Variants in SPINK7 observed in about 807,000 individuals in gnomAD.
The protein encoded by SPINK7 is serine protease inhibitor Kazal-type 7.
Under a neutral mutation model 11.6 loss-of-function variants are expected in SPINK7, and 8 were observed. The ratio of observed to expected loss-of-function variants is 0.69; its 90% CI spans 0.41 to 1.25. The LOEUF is 1.25. SPINK7 is among the 50% of genes most tolerant of loss of function. The probability of loss-of-function intolerance (pLI) is 0.01; values close to 1 mark genes in which losing one functional copy is unlikely to be tolerated. For missense variants in SPINK7, 113 were observed against 99.3 expected, an observed-to-expected ratio of 1.14 and a Z score of -0.58; for synonymous variants, 38 against 35.3, an observed-to-expected ratio of 1.08 and a Z score of -0.27.
At chr5:148,314,894 C>A (rs1460112331) in intron 3 of SPINK7, among the ~76,000 whole-genome samples, 2 of 152,236 alleles carry the variant, frequency 1.3e-5, no homozygotes, top group Non-Finnish European at 2.9e-5. Context: ...GACCAGAATA[C>A]CACGGACATG....
chr5:148,313,407 T>C lies in SPINK7; in HGVS notation c.87+8T>C, dbSNP rs754135406. 9.5e-6 allele frequency: 15 copies of C among 1,586,268 alleles called. No individual in the cohort carries two copies. The highest frequency in any genetic ancestry group is 1.2e-5 in the Non-Finnish European group (14 of 1,157,852). On this transcript the variant is annotated splice_region_variant and intron_variant, in intron 2 of 3. Coordinates refer to ENST00000274565, the MANE Select transcript of SPINK7 (RefSeq NM_032566.3). ...AGTCTGTCTCCAAAAAAAGTAAGTATGTTGAATAACATTTTAATGTCAATA... is the reference window on the plus strand; with the variant it reads ...AGTCTGTCTCCAAAAAAAGTAAGTACGTTGAATAACATTTTAATGTCAATA...
intron 2 of SPINK7, chr5:148,313,797 G>C: frequency 2.1e-6 from 1 of 477,430 alleles, no homozygotes; most frequent in Non-Finnish European, 3.7e-6. Flanking sequence ...TTTCACATTT[G>C]TAAAGAGAGG....
At chr5:148,315,566 T>C in intron 3 of SPINK7, 73 bp from the exon 4 acceptor site, 1 of 893,754 alleles carries the variant, frequency 1.1e-6, no homozygotes, top group South Asian at 1.4e-5. Context: ...ATCTCTATAG[T>C]TCCTTTCAGC....
chr5:148,314,318 G>A, intron 3 of SPINK7, 94 bp downstream of exon 3: 3 of 1,395,930 alleles, frequency 2.1e-6, no homozygotes, highest in Non-Finnish European at 3.0e-6. Context: ...ATCTCTATAA[G>A]CTGTAATTTA....
intron 3 of SPINK7, chr5:148,314,536 CAG>C: frequency 2.7e-6 from 1 of 376,802 alleles, no homozygotes; most frequent in South Asian, 5.2e-5. Context: ...AGAGGCAAGT[CAG>C]GAGTCACCAT....
chr5:148,313,633 C>G, intron 2 of SPINK7: 1 of 409,742 alleles, frequency 2.4e-6, no homozygotes, highest in Non-Finnish European at 4.4e-6. Flanking sequence ...CGCCTTCCAG[C>G]TGAGAAGTTG....
In SPINK7 at chr5:148,315,711, AATG is replaced by A. The variant is rs543161075; in HGVS notation, c.*30_*32del. 552 of 1,395,788 alleles carry A rather than the reference AATG, an allele frequency of 4.0e-4. 1 individual carries two copies. In the African/African-American group the frequency reaches 7.7e-3, roughly 20 times the overall value. 86.5% of individuals were successfully genotyped at this position (1,395,788 alleles called of 1,614,324 possible). A position where few individuals can be genotyped will look rare whatever the true frequency, so the allele number is the denominator to read the frequency against. ...TTCTCCATGGACATAGAGAGAAAGG[AATG>A]ATATTCTCATCATCATCTTCATCAT... On this transcript the variant is annotated 3_prime_UTR_variant, in exon 4 of 4. Transcript: ENST00000274565.
In SPINK7 at chr5:148,312,498, G is replaced by A. The variant is rs761589164; in HGVS notation, c.15G>A (p.Gly5=). Residue 5 remains glycine (G), a synonymous_variant, in exon 1 of 4, where the codon GGG becomes GGA. Coordinates refer to ENST00000274565, the MANE Select transcript of SPINK7 (RefSeq NM_032566.3). ...CCATTTCCAGCATGAAGATCACTGG[G>A]GGTCTCCTTCTGCTCTGTACAGTGG... The part of the protein sequence containing the change: MKIT[G]GLLLLCTVVY... The A allele has an allele frequency of 6.2e-7, 1 of 1,611,910 alleles. No individual in the cohort carries two copies. Among genetic ancestry groups the A allele is most frequent in the African/African-American group, 1.3e-5 (1 of 74,798 alleles).
Position 148,314,182 on chromosome 5 carries a change from A to C in SPINK7, c.170A>C (p.Tyr57Ser). The change falls in exon 3 of 4, where the codon TAC becomes TCC. Residue 57 changes from tyrosine to serine, a missense_variant. Tyr to Ser is a moderately radical substitution (Grantham distance 144). Transcript: ENST00000274565. ...TACCTACCAGTTTGTGGTTCTGACT[A>C]CATCACCTATGGGAATGAATGTCAC... ...ITYLPVCGSD[Y>S]ITYGNECHLC... 1 of 1,613,812 alleles carries C rather than the reference A, an allele frequency of 6.2e-7. No individual in the cohort carries two copies. Among genetic ancestry groups the C allele is most frequent in the South Asian group, 1.1e-5 (1 of 91,068 alleles).
intron 1 of SPINK7, 58 bp downstream of exon 1, chr5:148,312,602 C>A: frequency 2.0e-6 from 2 of 990,512 alleles, no homozygotes; most frequent in Non-Finnish European, 1.6e-6. Context: ...CATAAATAAT[C>A]CCTCCTGCGA....
intron 1 of SPINK7, 120 bp downstream of exon 1, chr5:148,312,664 G>A (rs1478234955): frequency 3.2e-6 from 2 of 624,798 alleles, no homozygotes; most frequent in South Asian, 2.2e-5. Context: ...GTACTGGTTT[G>A]TAATAGGATC....
chr5:148,315,619 T>C lies in SPINK7; in HGVS notation c.213-20T>C, dbSNP rs747315773. 3 of 1,564,108 alleles carry C rather than the reference T, an allele frequency of 1.9e-6. No homozygotes were observed. The highest frequency in any genetic ancestry group is 2.2e-5 in the East Asian group (1 of 44,602). On this transcript the variant is annotated intron_variant, in intron 3 of 3. Coordinates refer to ENST00000274565, the MANE Select transcript of SPINK7 (RefSeq NM_032566.3). ...TTTCCTCTTGTGCTAATGAATCTTG[T>C]GAACTGTGTCTTCCCTTAGGAAAAG...
At chr5:148,313,835 T>G (rs1393041858) in intron 2 of SPINK7, 4 of 515,698 alleles carry the variant, frequency 7.8e-6, no homozygotes, top group African/African-American at 3.8e-5. Flanking sequence ...CTAGTTGTTC[T>G]GAAGATTAAA....
In SPINK7 at chr5:148,315,695, G is replaced by C. The variant is rs779615320; in HGVS notation, c.*11G>C. 52 of 1,506,348 alleles carry C rather than the reference G, an allele frequency of 3.5e-5. No homozygotes were observed. The South Asian group carries it at 5.0e-4, about 14-fold the overall frequency. 93.3% of individuals were successfully genotyped at this position (1,506,348 alleles called of 1,614,324 possible). A position where few individuals can be genotyped will look rare whatever the true frequency, so the allele number is the denominator to read the frequency against. ...GATGGAAGTTGCTAAATTCTCCATG[G>C]ACATAGAGAGAAAGGAATGATATTC... On this transcript the variant is annotated 3_prime_UTR_variant, in exon 4 of 4. Transcript: ENST00000274565.
At position 148,315,625 on chromosome 5, in the gene SPINK7, G is replaced by C. The variant is rs372555086; in HGVS notation, c.213-14G>C. The stretch of plus-strand genomic sequence containing the variant: ...CTTGTGCTAATGAATCTTGTGAACT[G>C]TGTCTTCCCTTAGGAAAAGTAATGG... On this transcript the variant is annotated splice_polypyrimidine_tract_variant and intron_variant, in intron 3 of 3. Transcript: ENST00000274565. The C allele has an allele frequency of 1.6e-5, 26 of 1,578,130 alleles. No individual in the cohort carries two copies. The highest frequency in any genetic ancestry group is 2.2e-5 in the Non-Finnish European group (25 of 1,148,228).
rs113864148 is a variant in SPINK7 at position 148,313,231 on chromosome 5, G to A, written c.62-143G>A. ...ATTCAACTTCCTCAGCAAACAACTA[G>A]GATTTTGCATAAGGATGGAGAGTGT... On this transcript the variant is annotated intron_variant, in intron 1 of 3. Transcript: ENST00000274565. 1.9e-3 allele frequency: 1,018 copies of A among 529,060 alleles called. 9 individuals carry two copies. The highest frequency in any genetic ancestry group is 0.017 in the African/African-American group (847 of 50,686). The allele number at this position is 529,060 out of a possible 1,614,324, so 32.8% of individuals were successfully genotyped here.
chr5:148,315,669 C>T lies in SPINK7; in HGVS notation c.243C>T (p.His81=), dbSNP rs752558358. The change falls in exon 4 of 4, where the codon CAC becomes CAT. Residue 81 remains histidine, a synonymous_variant. Coordinates refer to ENST00000274565, the MANE Select transcript of SPINK7 (RefSeq NM_032566.3). ...LKSNGRVQFL[H]DGSC The stretch of plus-strand genomic sequence containing the variant: ...GTAATGGAAGAGTTCAGTTTCTTCA[C>T]GATGGAAGTTGCTAAATTCTCCATG... 16 of 1,598,070 alleles carry T rather than the reference C, an allele frequency of 1.0e-5. No homozygotes were observed. The highest frequency in any genetic ancestry group is 2.7e-5 in the African/African-American group (2 of 74,546).
At position 148,312,495 on chromosome 5, in the gene SPINK7, T is replaced by TG; in HGVS notation, c.17dup (p.Leu7SerfsTer12). The TG allele has an allele frequency of 6.2e-7, 1 of 1,611,724 alleles. No homozygotes were observed. Reference sequence around the variant, plus strand: ...CAGCCATTTCCAGCATGAAGATCACTGGGGGTCTCCTTCTGCTCTGTACAG... The same window carrying TG: ...CAGCCATTTCCAGCATGAAGATCACTGGGGGGTCTCCTTCTGCTCTGTACAG... On this transcript the variant is annotated frameshift_variant, in exon 1 of 4. Transcript: ENST00000274565. LOFTEE classifies it high-confidence loss of function.
chr5:148,314,633 A>T (rs1756906506), intron 3 of SPINK7: 1 of 165,892 alleles, frequency 6.0e-6, no homozygotes, highest in African/African-American at 2.4e-5. Flanking sequence ...ATACAATATC[A>T]TGCTTGAAGA....
Sources: allele counts gnomAD v4.1 joint callset (sites outside exome capture counted in the v4.1 genomes callset), GRCh38; gene constraint gnomAD v4.1.1; transcripts MANE v1.5; gene names NCBI Gene and HGNC (gene_info 2026-07-23, HGNC 2026-07-21).